Variants in PGM5 observed in about 807,000 individuals in gnomAD.
PGM5 encodes phosphoglucomutase 5.
Under a neutral mutation model 59.2 loss-of-function variants are expected in PGM5, and 23 were observed. The ratio of observed to expected loss-of-function variants is 0.39; its 90% CI spans 0.28 to 0.55. The LOEUF is 0.55. Among genes scored for constraint, PGM5 ranks in the 20% least tolerant of loss-of-function variants. The pLI is 0.66. For synonymous variants in PGM5, 214 were observed against 286.0 expected (o/e 0.75, Z 2.54); for missense variants, 574 against 748.3 (o/e 0.77, Z 2.72).
At chr9:68,412,940 G>A (rs1822958805) in intron 6 of PGM5, among the ~76,000 whole-genome samples, 1 of 152,110 alleles carries the variant, frequency 6.6e-6, no homozygotes, top group Non-Finnish European at 1.5e-5. Context: ...TGTGTTCTTT[G>A]GGAAGAGATT....
At chr9:68,433,482 C>CTATAGGAT (rs1281175427) in intron 6 of PGM5, among the ~76,000 whole-genome samples, 1 of 152,174 alleles carries the variant, frequency 6.6e-6, no homozygotes, top group Non-Finnish European at 1.5e-5. Flanking sequence ...CATTAACCTC[C>CTATAGGAT]TATAGGATTA....
chr9:68,377,232 C>T (rs2131991701), intron 1 of PGM5, among the ~76,000 whole-genome samples: 1 of 152,224 alleles, frequency 6.6e-6, no homozygotes, highest in East Asian at 1.9e-4. Flanking sequence ...AGCTGAGGTT[C>T]TGCATTTCTA....
chr9:68,406,837 T>G (rs2132035044), intron 6 of PGM5, among the ~76,000 whole-genome samples: 1 of 149,940 alleles, frequency 6.7e-6, no homozygotes, highest in East Asian at 2.0e-4. Context: ...AGGCAGTGGA[T>G]TCTCATGAGT....
At chr9:68,500,597 G>A (rs1413868886) in intron 10 of PGM5, among the ~76,000 whole-genome samples, 3 of 152,166 alleles carry the variant, frequency 2.0e-5, no homozygotes, top group Non-Finnish European at 4.4e-5. Flanking sequence ...TAATTGGTTA[G>A]TGCGTACATT....
chr9:68,472,697 C>T (rs1190926206), intron 7 of PGM5, among the ~76,000 whole-genome samples: 2 of 152,196 alleles, frequency 1.3e-5, no homozygotes, highest in African/African-American at 4.8e-5. Flanking sequence ...TTCTATGAGC[C>T]AGCCCAGGGT....
chr9:68,458,991 A>C (rs1823819046), intron 6 of PGM5, among the ~76,000 whole-genome samples: 1 of 152,180 alleles, frequency 6.6e-6, no homozygotes, highest in South Asian at 2.1e-4. Context: ...ACATCAAAGA[A>C]GGGATCTGGG....
At chr9:68,410,765 G>C (rs139126328) in intron 6 of PGM5, among the ~76,000 whole-genome samples, 1 of 152,166 alleles carries the variant, frequency 6.6e-6, no homozygotes, top group Non-Finnish European at 1.5e-5. Flanking sequence ...TTGGGAACAA[G>C]GTTTTTGGGA....
intron 10 of PGM5, among the ~76,000 whole-genome samples, chr9:68,504,050 C>T (rs1554688847): frequency 1.3e-5 from 2 of 152,184 alleles, no homozygotes; most frequent in South Asian, 2.1e-4. Context: ...TAGCAAAGAG[C>T]TAGGTGAACT....
rs117957214 is a variant in PGM5 at position 68,457,093 on chromosome 9, T to C, written c.1044-8000T>C. 1.6e-4 allele frequency among the ~76,000 whole-genome samples: 24 copies of C among 152,346 alleles called. No individual in the cohort carries two copies. The East Asian group carries it at 4.4e-3, about 28-fold the overall frequency. ...TTTTCTTATCAGTTTGTAGGACTTC[T>C]TCATTTAGATTAGCCATTAATCCTT... On this transcript the variant is annotated intron_variant, in intron 6 of 10. Coordinates refer to ENST00000396396, the MANE Select transcript of PGM5 (RefSeq NM_021965.4).
At chr9:68,456,618 C>CTTTTT (rs1256922534) in intron 6 of PGM5, among the ~76,000 whole-genome samples, 2 of 122,338 alleles carry the variant, frequency 1.6e-5, no homozygotes, top group South Asian at 2.7e-4. Flanking sequence ...GTGCCCTGTC[C>CTTTTT]TTTTTTTTTT....
chr9:68,406,764 G>T (rs1302056817), intron 6 of PGM5, among the ~76,000 whole-genome samples: 1 of 135,668 alleles, frequency 7.4e-6, no homozygotes, highest in African/African-American at 2.8e-5. Flanking sequence ...CACAGTATGC[G>T]TTCAATGAAG....
chr9:68,424,347 T>C (rs535210288), intron 6 of PGM5, among the ~76,000 whole-genome samples: 3 of 152,180 alleles, frequency 2.0e-5, no homozygotes, highest in Admixed American at 2.0e-4. Flanking sequence ...AGCTGGTGTG[T>C]TGGGTGTCTG....
rs187592902 is a variant in PGM5 at position 68,393,583 on chromosome 9, A to C, written c.1043+1110A>C. Among the ~76,000 whole-genome samples the C allele has an allele frequency of 3.4e-3, 519 of 152,196 alleles. 1 individual carries two copies. Among genetic ancestry groups the C allele is most frequent in the African/African-American group, 0.012 (491 of 41,538 alleles). On this transcript the variant is annotated intron_variant, in intron 6 of 10. Coordinates refer to ENST00000396396, the MANE Select transcript of PGM5 (RefSeq NM_021965.4). Reference sequence around the variant, plus strand: ...TAATAGAGCAAAACCCTGTCTCTACAAAAAATTTTCTTTAATCAACCAGGT... The same window carrying C: ...TAATAGAGCAAAACCCTGTCTCTACCAAAAATTTTCTTTAATCAACCAGGT...
intron 1 of PGM5, among the ~76,000 whole-genome samples, chr9:68,369,897 G>A (rs1554677032): frequency 6.6e-6 from 1 of 152,062 alleles, no homozygotes; most frequent in Admixed American, 6.5e-5. Context: ...TTGATGTTTG[G>A]ATAACCACAT....
chr9:68,452,829 C>T (rs1823718725), intron 6 of PGM5, among the ~76,000 whole-genome samples: 1 of 152,202 alleles, frequency 6.6e-6, no homozygotes. Flanking sequence ...GGAGGGGTAT[C>T]TCTGCTTCCA....
At chr9:68,479,619 A>C in intron 8 of PGM5, 66 bp downstream of exon 8, 1 of 1,528,522 alleles carries the variant, frequency 6.5e-7, no homozygotes, top group South Asian at 1.2e-5. Context: ...GGTTTCTAAA[A>C]CTGATGGGCT....
intron 6 of PGM5, among the ~76,000 whole-genome samples, chr9:68,419,791 C>A (rs1176108190): frequency 6.6e-6 from 1 of 152,158 alleles, no homozygotes; most frequent in Non-Finnish European, 1.5e-5. Context: ...ATTTGTGCCT[C>A]TTTTGCAGTG....
chr9:68,474,733 G>A (rs568827842), intron 7 of PGM5, among the ~76,000 whole-genome samples: 1 of 151,632 alleles, frequency 6.6e-6, no homozygotes, highest in African/African-American at 2.4e-5. Context: ...AGAAAGGCAA[G>A]GTGAGTGGTA....
At chr9:68,456,102 G>C (rs1251664473) in intron 6 of PGM5, among the ~76,000 whole-genome samples, 1 of 152,146 alleles carries the variant, frequency 6.6e-6, no homozygotes, top group Non-Finnish European at 1.5e-5. Flanking sequence ...GTGCGCGTGT[G>C]TTCAAGTTTC....
Sources: allele counts gnomAD v4.1 joint callset (sites outside exome capture counted in the v4.1 genomes callset), GRCh38; gene constraint gnomAD v4.1.1; transcripts MANE v1.5; gene names NCBI Gene and HGNC (gene_info 2026-07-23, HGNC 2026-07-21).